The following AFF3 variants were observed in gnomAD, a reference collection of about 807,000 sequenced individuals.
AFF3 encodes AF4/FMR2 family member 3.
Under a neutral mutation model 129.7 loss-of-function variants are expected in AFF3, and 32 were observed. The ratio of observed to expected loss-of-function variants is 0.25; its 90% CI spans 0.19 to 0.33. The LOEUF (loss-of-function observed/expected upper bound fraction) is 0.33, where lower values mean the gene tolerates loss of function less well. AFF3 is among the 10% of genes least tolerant of loss of function. The pLI is 1.00. For synonymous variants in AFF3, 644 were observed against 635.4 expected (o/e 1.01, Z -0.20); for missense variants, 1,373 against 1,592.0 (o/e 0.86, Z 2.34).
chr2:99,642,498 A>G (rs1003418135), intron 13 of AFF3, among the ~76,000 whole-genome samples: 4 of 152,162 alleles, frequency 2.6e-5, no homozygotes, highest in Admixed American at 1.3e-4. Flanking sequence ...GTTGCAAAGA[A>G]TTATTTCCTC....
intron 10 of AFF3, among the ~76,000 whole-genome samples, chr2:99,732,187 T>C (rs571974913): frequency 1.3e-5 from 2 of 152,144 alleles, no homozygotes; most frequent in Non-Finnish European, 2.9e-5. Flanking sequence ...ACCCCGTCTC[T>C]ACTAAAAATA....
At chr2:100,076,500 C>A (rs1231781620) in intron 4 of AFF3, among the ~76,000 whole-genome samples, 1 of 152,182 alleles carries the variant, frequency 6.6e-6, no homozygotes, top group Non-Finnish European at 1.5e-5. Flanking sequence ...TAATACCTCA[C>A]CAAGTTGCCT....
At chr2:99,766,487 A>G (rs574456018) in intron 8 of AFF3, among the ~76,000 whole-genome samples, 2 of 152,332 alleles carry the variant, frequency 1.3e-5, no homozygotes, top group African/African-American at 4.8e-5. Context: ...TGCTCCAGAT[A>G]TTGACAGTAA....
chr2:99,651,562 CT>C lies in AFF3; in HGVS notation c.1144-1897del, dbSNP rs773209835. 7.2e-5 allele frequency among the ~76,000 whole-genome samples: 11 copies of C among 152,166 alleles called. No individual in the cohort carries two copies. The South Asian group carries it at 2.3e-3, about 32-fold the overall frequency. On this transcript the variant is annotated intron_variant, in intron 12 of 24. Coordinates refer to ENST00000672756, the MANE Select transcript of AFF3 (RefSeq NM_001386135.1). ...GTTCAAGCGATTCTCCTGCCTCAGCCTCCCAAGTAGCTGAGATTACAGGTGT... is the reference window on the plus strand; with the variant it reads ...GTTCAAGCGATTCTCCTGCCTCAGCCCCCAAGTAGCTGAGATTACAGGTGT...
intron 4 of AFF3, among the ~76,000 whole-genome samples, chr2:100,093,076 C>A (rs1689990445): frequency 6.6e-6 from 1 of 152,236 alleles, no homozygotes; most frequent in Admixed American, 6.5e-5. Context: ...GATTGCGTTA[C>A]ATTATTATAT....
chr2:99,892,081 C>CA (rs1345868056), intron 7 of AFF3, among the ~76,000 whole-genome samples: 2 of 152,092 alleles, frequency 1.3e-5, no homozygotes, highest in African/African-American at 4.8e-5. Flanking sequence ...CTTGGCCTCC[C>CA]AAAGTGCTGG....
At chr2:99,989,793 C>T (rs1361698390) in intron 7 of AFF3, among the ~76,000 whole-genome samples, 1 of 152,154 alleles carries the variant, frequency 6.6e-6, no homozygotes, top group East Asian at 1.9e-4. Context: ...TATTCTCTTT[C>T]ATTTTACTTG....
At chr2:99,846,051 C>T (rs578139107) in intron 7 of AFF3, among the ~76,000 whole-genome samples, 6 of 152,146 alleles carry the variant, frequency 3.9e-5, no homozygotes, top group Non-Finnish European at 7.4e-5. Context: ...CCAGGATGGT[C>T]TCGATCTCCT....
chr2:100,077,144 G>C (rs1474640553), intron 4 of AFF3, among the ~76,000 whole-genome samples: 2 of 152,122 alleles, frequency 1.3e-5, no homozygotes, highest in African/African-American at 4.8e-5. Context: ...AGCTACTCAG[G>C]GGGCCATGGC....
intron 15 of AFF3, among the ~76,000 whole-genome samples, chr2:99,592,850 C>T (rs1678824406): frequency 1.3e-5 from 2 of 151,790 alleles, no homozygotes; most frequent in Non-Finnish European, 2.9e-5. Flanking sequence ...GTAGGAGAAT[C>T]GCCTGAACCT....
chr2:100,051,952 T>C (rs578140609), intron 4 of AFF3, among the ~76,000 whole-genome samples: 2 of 152,344 alleles, frequency 1.3e-5, no homozygotes, highest in Admixed American at 6.5e-5. Flanking sequence ...AATACTTCTC[T>C]AGGCTGTGAG....
intron 19 of AFF3, among the ~76,000 whole-genome samples, chr2:99,566,586 T>C (rs1675991366): frequency 6.6e-6 from 1 of 152,184 alleles, no homozygotes; most frequent in African/African-American, 2.4e-5. Flanking sequence ...GGATTATCTG[T>C]AGCTGTCGAA....
rs897482956 is a variant in AFF3 at position 99,890,102 on chromosome 2, G to A, written c.874-52578C>T. Among the ~76,000 whole-genome samples, 6 of 152,268 alleles carry A rather than the reference G, an allele frequency of 3.9e-5. No individual in the cohort carries two copies. In the South Asian group the frequency reaches 1.2e-3, roughly 32 times the overall value. On this transcript the variant is annotated intron_variant, in intron 7 of 24. Transcript: ENST00000672756. ...TTTTGTTCCCACAGTGTTCTCCCCCGAGTGCCCCAGACATTCTGTGTGAAT... is the reference window on the plus strand; with the variant it reads ...TTTTGTTCCCACAGTGTTCTCCCCCAAGTGCCCCAGACATTCTGTGTGAAT...
At chr2:100,076,953 T>C (rs932014524) in intron 4 of AFF3, among the ~76,000 whole-genome samples, 1 of 152,036 alleles carries the variant, frequency 6.6e-6, no homozygotes, top group African/African-American at 2.4e-5. Flanking sequence ...AGATGTAAGT[T>C]AAAGATCAGG....
chr2:99,593,555 G>T lies in AFF3; in HGVS notation c.2106C>A (p.Ser702=), dbSNP rs377006919. ...KAQTVAASAS[S]GNDQRLKEAA... ...CCTCCTTCAGCCTCTGATCATTCCCGGAGGAGGCAGAGGCAGCCACGGTCT... is the reference window on the plus strand; with the variant it reads ...CCTCCTTCAGCCTCTGATCATTCCCTGAGGAGGCAGAGGCAGCCACGGTCT... Residue 702 remains serine (S), a synonymous_variant, in exon 15 of 25, where the codon TCC becomes TCA. Coordinates refer to ENST00000672756, the MANE Select transcript of AFF3 (RefSeq NM_001386135.1). 3.0e-5 allele frequency: 48 copies of T among 1,613,146 alleles called. No individual in the cohort carries two copies. Among genetic ancestry groups the T allele is most frequent in the Admixed American group, 1.7e-4 (10 of 60,006 alleles).
chr2:99,942,459 G>A (rs1469209522), intron 7 of AFF3, among the ~76,000 whole-genome samples: 2 of 150,378 alleles, frequency 1.3e-5, no homozygotes, highest in African/African-American at 4.9e-5. Context: ...AGTGACTGCT[G>A]GGAGCTATTT....
intron 7 of AFF3, 157 bp downstream of exon 7, chr2:100,006,473 ATT>A: frequency 1.2e-6 from 1 of 856,942 alleles, no homozygotes; most frequent in Admixed American, 3.1e-5. Context: ...AGAAATCACT[ATT>A]TAAGTCTGCC....
chr2:99,873,184 T>C (rs2105973190), intron 7 of AFF3, among the ~76,000 whole-genome samples: 4 of 152,350 alleles, frequency 2.6e-5, no homozygotes, highest in Admixed American at 2.6e-4. Flanking sequence ...CTGTTGAGAT[T>C]TAATAAAATT....
At chr2:99,584,463 C>T (rs187584325) in intron 16 of AFF3, among the ~76,000 whole-genome samples, 109 of 152,154 alleles carry the variant, frequency 7.2e-4, no homozygotes, top group Admixed American at 5.2e-3. Flanking sequence ...AATAAGACTC[C>T]GTCTCCAAAA....
Sources: gnomAD v4.1 joint callset for allele counts (sites outside exome capture counted in the v4.1 genomes callset) on GRCh38, gnomAD v4.1.1 for gene constraint, MANE v1.5 for transcripts, NCBI Gene and HGNC (gene_info 2026-07-23, HGNC 2026-07-21) for gene names.